Variants in KRTAP4-16 observed in about 807,000 individuals in gnomAD.
KRTAP4-16 encodes the protein keratin associated protein 4-16, also known as keratin-associated protein 4-16.
For synonymous variants in KRTAP4-16, 140 were observed against 88.8 expected, an observed-to-expected ratio of 1.58 and a Z score of -3.24; for missense variants, 378 against 233.5, an observed-to-expected ratio of 1.62 and a Z score of -4.03.
chr17:41,102,049 C>T, exon 1 of KRTAP4-16: 2 of 1,603,556 alleles, frequency 1.2e-6, no homozygotes, highest in Non-Finnish European at 1.7e-6. Context: ...CACGGAATGG[C>T]AGCACTGGGG....
At position 41,102,034 on chromosome 17, in the gene KRTAP4-16, C is replaced by G. The variant is rs768219907; in HGVS notation, c.176G>C (p.Cys59Ser). 3 of 1,580,402 alleles carry G rather than the reference C, an allele frequency of 1.9e-6. No individual in the cohort carries two copies. In the Admixed American group the frequency reaches 5.8e-5, roughly 30 times the overall value. ...GCTGGGGCGGCAGCAGGTGGGCTGG[C>G]AGCACACGGAATGGCAGCACTGGGG... Residue 59 changes from cysteine (C) to serine (S), a missense_variant, in exon 1 of 1, where the codon TGC becomes TCC. Physicochemically the swap from Cys to Ser is moderately radical, Grantham distance 112. Transcript: ENST00000440582.
At chr17:41,101,619 C>T (rs1490555148) in exon 1 of KRTAP4-16, 4 of 399,272 alleles carry the variant, frequency 1.0e-5, no homozygotes, top group Middle Eastern at 6.8e-4. Flanking sequence ...AGGGGATTAA[C>T]ACTGGGGAGA....
At chr17:41,102,181 G>A in exon 1 of KRTAP4-16, 1 of 1,327,104 alleles carries the variant, frequency 7.5e-7, no homozygotes, top group African/African-American at 1.4e-5. Flanking sequence ...GGAAGCACTG[G>A]GGCTGCATGG....
At chr17:41,101,659 G>C in exon 1 of KRTAP4-16, 1 of 561,322 alleles carries the variant, frequency 1.8e-6, no homozygotes, top group Non-Finnish European at 3.2e-6. Context: ...GGGAGGGGAG[G>C]GGAGGGCAAG....
exon 1 of KRTAP4-16, chr17:41,102,170 T>G: frequency 7.1e-7 from 1 of 1,399,990 alleles, no homozygotes; most frequent in Non-Finnish European, 1.0e-6. Flanking sequence ...GCACACAGAC[T>G]GGAAGCACTG....
exon 1 of KRTAP4-16, chr17:41,101,879 A>C: frequency 6.2e-7 from 1 of 1,609,452 alleles, no homozygotes; most frequent in Non-Finnish European, 8.5e-7. Context: ...CAGCTGCTGG[A>C]GATGCAGCAG....
chr17:41,102,129 G>C (rs746748830), exon 1 of KRTAP4-16: 2 of 1,552,570 alleles, frequency 1.3e-6, no homozygotes, highest in Non-Finnish European at 1.8e-6. Context: ...TCTGACAACA[G>C]CTGGGGTGAC....
At position 41,101,844 on chromosome 17, in the gene KRTAP4-16, G is replaced by C. The variant is rs764098496; in HGVS notation, c.366C>G (p.Ser122Arg). Residue 122 changes from serine (S) to arginine (R), a missense_variant, in exon 1 of 1, where the codon AGC becomes AGG. Transcript: ENST00000440582. ...GCAGGCAGCAGCAGGGGCAGCAGCA[G>C]CTCGATTCACAGCAAGAGGGGCAGC... The C allele has an allele frequency of 7.5e-6, 12 of 1,600,876 alleles. 2 individuals are homozygous for C. In the African/African-American group the frequency reaches 1.2e-4, roughly 16 times the overall value.
chr17:41,101,940 T>A, exon 1 of KRTAP4-16: 2 of 1,601,428 alleles, frequency 1.2e-6, no homozygotes, highest in Non-Finnish European at 1.7e-6. Context: ...AGCACTGGGG[T>A]CTGCAGCAGC....
At chr17:41,101,691 A>C in exon 1 of KRTAP4-16, 2 of 604,256 alleles carry the variant, frequency 3.3e-6, no homozygotes, top group Non-Finnish European at 5.2e-6. Flanking sequence ...AAGGGAGGGG[A>C]ACGGGTGGGG....
chr17:41,102,193 A>G (rs2014000723), exon 1 of KRTAP4-16: 2 of 1,209,746 alleles, frequency 1.7e-6, no homozygotes, highest in East Asian at 2.3e-5. Context: ...GCTGCATGGC[A>G]TCTTTGAACT....
exon 1 of KRTAP4-16, chr17:41,101,637 A>T (rs2143879435): frequency 2.2e-6 from 1 of 444,654 alleles, no homozygotes; most frequent in Non-Finnish European, 4.0e-6. Flanking sequence ...AGAGGAGGGG[A>T]GGGGAAGGGC....
At position 41,102,056 on chromosome 17, in the gene KRTAP4-16, G is replaced by T. The variant is rs1218328870; in HGVS notation, c.154C>A (p.Gln52Lys). The T allele has an allele frequency of 4.4e-6, 7 of 1,598,582 alleles. 1 individual carries two copies. In the Admixed American group the frequency reaches 1.0e-4, roughly 23 times the overall value. ...TGGCAGCACACGGAATGGCAGCACT[G>T]GGGTCTGCAGCAGCTGGACACAGAG... Residue 52 changes from glutamine (Q) to lysine (K), a missense_variant, in exon 1 of 1, where the codon CAG (glutamine) becomes AAG (lysine). Physicochemically the swap from Gln to Lys is moderately conservative, Grantham distance 53. Transcript: ENST00000440582.
exon 1 of KRTAP4-16, chr17:41,101,941 C>G: frequency 6.2e-7 from 1 of 1,603,794 alleles, no homozygotes; most frequent in East Asian, 2.2e-5. Context: ...GCACTGGGGT[C>G]TGCAGCAGCT....
At chr17:41,102,202 C>T in exon 1 of KRTAP4-16, 1 of 1,132,370 alleles carries the variant, frequency 8.8e-7, no homozygotes, top group Non-Finnish European at 1.3e-6. Context: ...CATCTTTGAA[C>T]TGCACATAGT....
chr17:41,101,573 G>A lies in KRTAP4-16; in HGVS notation c.637C>T (p.Pro213Ser), dbSNP rs1412624947. Residue 213 changes from proline (P) to serine (S), a missense_variant, in exon 1 of 1, where the codon CCT (proline) becomes TCT (serine). Physicochemically the swap from Pro to Ser is moderately conservative, Grantham distance 74 (BLOSUM62 -1). Coordinates refer to ENST00000440582, the Ensembl canonical transcript of KRTAP4-16. ...GGGAGGGGAGGGGAGGGGAGGGGAG[G>A]GGAAAGTGAAGGGAGAGAAGGGGAA... 1.7e-5 allele frequency: 6 copies of A among 354,066 alleles called. No homozygotes were observed. In the African/African-American group the frequency reaches 3.3e-4, roughly 20 times the overall value. The allele number at this position is 354,066 out of a possible 1,614,324, so 21.9% of individuals were successfully genotyped here. A position where few individuals can be genotyped will look rare whatever the true frequency, so the allele number is the denominator to read the frequency against.
chr17:41,102,049 C>A (rs773133884), exon 1 of KRTAP4-16: 6 of 1,603,556 alleles, frequency 3.7e-6, no homozygotes, highest in Non-Finnish European at 5.1e-6. Context: ...CACGGAATGG[C>A]AGCACTGGGG....
chr17:41,101,767 C>G, exon 1 of KRTAP4-16: 1 of 1,513,044 alleles, frequency 6.6e-7, no homozygotes, highest in Non-Finnish European at 9.0e-7. Flanking sequence ...GGAGATGACA[C>G]AGGTTGGGTG....
exon 1 of KRTAP4-16, chr17:41,101,902 C>A (rs1029289948): frequency 6.2e-7 from 1 of 1,610,958 alleles, no homozygotes; most frequent in Non-Finnish European, 8.5e-7. Context: ...GGGGTGGCAG[C>A]AGGTGGGCTG....
Sources: gnomAD v4.1 joint callset for allele counts on GRCh38, gnomAD v4.1.1 for gene constraint, MANE v1.5 for transcripts, NCBI Gene and HGNC (gene_info 2026-07-23, HGNC 2026-07-21) for gene names.